DCLK2: variants seen among roughly 807,000 people sequenced by gnomAD.
DCLK2 encodes serine/threonine-protein kinase DCLK2.
DCLK2 carries 31 observed loss-of-function variants against 78.4 expected under a neutral mutation model. That is an observed-to-expected ratio of 0.40 (90% confidence interval 0.30 to 0.53). The LOEUF (loss-of-function observed/expected upper bound fraction) is 0.53. Among genes scored for constraint, DCLK2 ranks in the 20% least tolerant of loss-of-function variants. DCLK2 has a pLI of 0.61. For synonymous variants in DCLK2, 407 were observed against 374.9 expected, an observed-to-expected ratio of 1.09 and a Z score of -0.99; for missense variants, 872 against 973.7, an observed-to-expected ratio of 0.90 and a Z score of 1.39.
chr4:150,250,054 G>T (rs1434237435), intron 15 of DCLK2, among the ~76,000 whole-genome samples: 1 of 152,154 alleles, frequency 6.6e-6, no homozygotes, highest in Non-Finnish European at 1.5e-5. Flanking sequence ...CTCAGAAATA[G>T]ATTATTAGAG....
intron 15 of DCLK2, among the ~76,000 whole-genome samples, chr4:150,251,740 A>G (rs72951586): frequency 0.012 from 1,194 of 100,194 alleles, 47 homozygotes; most frequent in African/African-American, 0.046. Context: ...CCACACCCGA[A>G]CACACCCCAC....
At chr4:150,217,845 C>T (rs1026305333) in intron 5 of DCLK2, among the ~76,000 whole-genome samples, 9 of 152,312 alleles carry the variant, frequency 5.9e-5, no homozygotes, top group African/African-American at 2.2e-4. Flanking sequence ...TAAGTCATCC[C>T]TGTTAACGCT....
chr4:150,190,520 G>A (rs1738375434), intron 2 of DCLK2, among the ~76,000 whole-genome samples: 2 of 152,168 alleles, frequency 1.3e-5, no homozygotes, highest in Middle Eastern at 3.4e-3. Flanking sequence ...CCTTAAAAAC[G>A]TGCTAAGTAA....
chr4:150,124,490 T>C (rs1449825445), intron 2 of DCLK2, among the ~76,000 whole-genome samples: 3 of 152,210 alleles, frequency 2.0e-5, no homozygotes, highest in Non-Finnish European at 4.4e-5. Context: ...TATTTAAGTA[T>C]CTGTGCATCA....
At chr4:150,082,632 A>C (rs1256961122) in intron 1 of DCLK2, among the ~76,000 whole-genome samples, 3 of 152,122 alleles carry the variant, frequency 2.0e-5, no homozygotes, top group Non-Finnish European at 4.4e-5. Flanking sequence ...TTATTCTTTA[A>C]AACTAGTTGG....
intron 5 of DCLK2, among the ~76,000 whole-genome samples, chr4:150,213,866 T>C (rs573211121): frequency 6.6e-6 from 1 of 152,312 alleles, no homozygotes; most frequent in African/African-American, 2.4e-5. Flanking sequence ...ACTTAGAGGA[T>C]AGGACAGTGT....
chr4:150,205,216 T>G (rs542678434), intron 5 of DCLK2, among the ~76,000 whole-genome samples: 1 of 152,294 alleles, frequency 6.6e-6, no homozygotes, highest in Admixed American at 6.5e-5. Flanking sequence ...TCTGACACCT[T>G]CAGAGCAGCA....
chr4:150,103,214 A>G (rs1231454248), intron 2 of DCLK2, among the ~76,000 whole-genome samples: 1 of 152,186 alleles, frequency 6.6e-6, no homozygotes, highest in African/African-American at 2.4e-5. Context: ...AAAGTATTTA[A>G]CATTCTTAGA....
intron 10 of DCLK2, among the ~76,000 whole-genome samples, chr4:150,235,507 G>A (rs945703041): frequency 2.6e-5 from 4 of 152,076 alleles, no homozygotes; most frequent in African/African-American, 4.8e-5. Flanking sequence ...CCAAACCTAC[G>A]GGAGCCCCCT....
chr4:150,232,424 A>G lies in DCLK2; in HGVS notation c.1387A>G (p.Thr463Ala), dbSNP rs971032693. 4 of 1,614,094 alleles carry G rather than the reference A, an allele frequency of 2.5e-6. No individual in the cohort carries two copies. The highest frequency in any genetic ancestry group is 3.3e-5 in the Admixed American group (2 of 60,030). Reference sequence around the variant, plus strand: ...GCTGGTCGAGGAGATGGAAACAGCAACTGAGCTCTTTCTGGTGATGGAATT... The same window carrying G: ...GCTGGTCGAGGAGATGGAAACAGCAGCTGAGCTCTTTCTGGTGATGGAATT... ...IMLVEEMETA[T>A]ELFLVMELVK... The change falls in exon 9 of 16, where the codon ACT becomes GCT. Residue 463 changes from threonine to alanine, a missense_variant. By Grantham distance (58) the Thr-to-Ala change is moderately conservative. This residue lies in a region of DCLK2 where 567 missense variants were observed against 593.4 expected (regional missense o/e 0.96). Transcript: ENST00000296550.
chr4:150,173,275 C>CA (rs1736689245), intron 2 of DCLK2, among the ~76,000 whole-genome samples: 1 of 152,048 alleles, frequency 6.6e-6, no homozygotes, highest in African/African-American at 2.4e-5. Flanking sequence ...GCATGGGATG[C>CA]AAAAAACCAG....
intron 2 of DCLK2, among the ~76,000 whole-genome samples, chr4:150,190,052 GGC>G (rs1738290066): frequency 1.5e-5 from 1 of 68,200 alleles, no homozygotes; most frequent in Non-Finnish European, 2.9e-5. Context: ...AAAAAAAAAA[GGC>G]CAAGTGTGGT....
At chr4:150,113,791 C>T (rs1489702364) in intron 2 of DCLK2, among the ~76,000 whole-genome samples, 1 of 148,962 alleles carries the variant, frequency 6.7e-6, no homozygotes, top group African/African-American at 2.5e-5. Flanking sequence ...CTTCTGCTAG[C>T]TTTTGGTTTA....
chr4:150,083,489 C>T (rs572630064), intron 1 of DCLK2, among the ~76,000 whole-genome samples: 3 of 152,232 alleles, frequency 2.0e-5, no homozygotes, highest in South Asian at 4.2e-4. Context: ...ACCTATCTAC[C>T]GCATCTGTTT....
At chr4:150,228,810 A>C (rs1741809190) in intron 8 of DCLK2, among the ~76,000 whole-genome samples, 1 of 148,898 alleles carries the variant, frequency 6.7e-6, no homozygotes, top group Non-Finnish European at 1.5e-5. Flanking sequence ...GTGGATCATG[A>C]GGTCAGGAGA....
intron 1 of DCLK2, among the ~76,000 whole-genome samples, chr4:150,086,740 T>C (rs973073705): frequency 1.5e-4 from 23 of 152,130 alleles, no homozygotes; most frequent in Non-Finnish European, 3.1e-4. Context: ...TCTCCTGACC[T>C]CGTGATCTGC....
chr4:150,124,971 A>G (rs1342414750), intron 2 of DCLK2, among the ~76,000 whole-genome samples: 1 of 152,216 alleles, frequency 6.6e-6, no homozygotes, highest in African/African-American at 2.4e-5. Context: ...TGATTTAAAT[A>G]TATTTATTTC....
chr4:150,198,100 T>C lies in DCLK2; in HGVS notation c.958T>C (p.Ser320Pro), dbSNP rs1238495037. ...CTCTCGACGCAGCAAATCACCAGCT[T>C]CAGGTAGTTAATGGAAAAGGAATAG... is the stretch of plus-strand genomic sequence containing the variant. ...GPSRRSKSPA[S>P]VNGTPSSQLS... The change falls in exon 4 of 16, where the codon TCA (serine) becomes CCA (proline). Residue 320 changes from serine to proline, a missense_variant. Ser to Pro is a moderately conservative substitution (Grantham distance 74). Around this residue, in one of 3 missense-constraint regions of DCLK2, gnomAD observed 567 missense variants for 593.4 expected, o/e 0.96. Transcript: ENST00000296550. The C allele has an allele frequency of 6.2e-7, 1 of 1,612,670 alleles. No homozygotes were observed. The highest frequency in any genetic ancestry group is 8.5e-7 in the Non-Finnish European group (1 of 1,179,188).
chr4:150,124,168 C>T (rs944226982), intron 2 of DCLK2, among the ~76,000 whole-genome samples: 5 of 152,082 alleles, frequency 3.3e-5, no homozygotes, highest in African/African-American at 1.2e-4. Context: ...ACTCTCAGCA[C>T]AGTGTTGGAA....
Sources: gnomAD v4.1 joint callset for allele counts (sites outside exome capture counted in the v4.1 genomes callset) on GRCh38, gnomAD v4.1.1 for gene constraint, gnomAD v4.1.1 regional missense constraint, MANE v1.5 for transcripts, NCBI Gene and HGNC (gene_info 2026-07-23, HGNC 2026-07-21) for gene names.